The following TSHZ2 variants were observed in gnomAD, a reference collection of about 807,000 sequenced individuals.
TSHZ2 encodes teashirt zinc finger homeobox 2, also known as teashirt homolog 2.
In TSHZ2, 21 loss-of-function variants were observed where a neutral mutation model predicts 74.4. The observed-to-expected ratio is 0.28, with a 90% CI of 0.20 to 0.41. The LOEUF is 0.41. Among genes scored for constraint, TSHZ2 ranks in the 10% least tolerant of loss-of-function variants. The pLI is 1.00. For synonymous variants in TSHZ2, 540 were observed against 515.3 expected (o/e 1.05, Z -0.65); for missense variants, 1,244 against 1,293.5 (o/e 0.96, Z 0.59).
intron 1 of TSHZ2, among the ~76,000 whole-genome samples, chr20:53,244,310 A>C (rs373517457): frequency 7.2e-5 from 11 of 152,322 alleles, no homozygotes; most frequent in Admixed American, 6.5e-5. Flanking sequence ...AGCATGCATG[A>C]CTTGCTGAAA....
chr20:53,263,488 T>C (rs963321171), intron 2 of TSHZ2, among the ~76,000 whole-genome samples: 2 of 152,168 alleles, frequency 1.3e-5, no homozygotes, highest in Non-Finnish European at 2.9e-5. Flanking sequence ...ACAGCACCAG[T>C]GGTTTCCAAA....
At chr20:53,216,851 A>G (rs1989446712) in intron 1 of TSHZ2, among the ~76,000 whole-genome samples, 2 of 152,036 alleles carry the variant, frequency 1.3e-5, no homozygotes, top group Non-Finnish European at 2.9e-5. Context: ...AAGTGAACAC[A>G]CCCTTCAAAT....
intron 2 of TSHZ2, among the ~76,000 whole-genome samples, chr20:53,285,279 G>A (rs1029293544): frequency 3.9e-5 from 6 of 152,194 alleles, no homozygotes; most frequent in African/African-American, 1.4e-4. Context: ...GCAGTGTTTG[G>A]ATAGGAGTCT....
chr20:53,167,597 A>G (rs1290476582), intron 1 of TSHZ2, among the ~76,000 whole-genome samples: 4 of 151,504 alleles, frequency 2.6e-5, no homozygotes, highest in Non-Finnish European at 4.4e-5. Flanking sequence ...GTGTGTGTGT[A>G]TGTGTGTGTT....
intron 1 of TSHZ2, among the ~76,000 whole-genome samples, chr20:53,150,602 A>C (rs1353108042): frequency 6.6e-6 from 1 of 151,996 alleles, no homozygotes; most frequent in East Asian, 1.9e-4. Flanking sequence ...TCTAAGGTAA[A>C]ATCAACTACA....
chr20:53,246,280 T>G (rs1224391623), intron 1 of TSHZ2, among the ~76,000 whole-genome samples: 1 of 152,118 alleles, frequency 6.6e-6, no homozygotes, highest in Non-Finnish European at 1.5e-5. Context: ...TGACCTCATG[T>G]GATCTGCCCA....
At chr20:53,004,118 G>T (rs1379065729) in intron 1 of TSHZ2, among the ~76,000 whole-genome samples, 1 of 151,944 alleles carries the variant, frequency 6.6e-6, no homozygotes, top group South Asian at 2.1e-4. Flanking sequence ...ACTGTTGCCT[G>T]AGCATGGAAC....
intron 1 of TSHZ2, among the ~76,000 whole-genome samples, chr20:53,245,476 T>C (rs1353794993): frequency 6.6e-6 from 1 of 152,224 alleles, no homozygotes; most frequent in African/African-American, 2.4e-5. Flanking sequence ...CTCAAAGTTG[T>C]ATGATCTTTT....
intron 2 of TSHZ2, among the ~76,000 whole-genome samples, chr20:53,403,349 A>C (rs1041999928): frequency 1.3e-5 from 2 of 152,236 alleles, no homozygotes; most frequent in African/African-American, 4.8e-5. Flanking sequence ...AAATTAACCC[A>C]GATTACAACA....
chr20:53,409,743 C>T (rs1982979144), intron 2 of TSHZ2, among the ~76,000 whole-genome samples: 1 of 151,506 alleles, frequency 6.6e-6, no homozygotes, highest in Admixed American at 6.6e-5. Flanking sequence ...ACTTTGACAG[C>T]CCAGTGAATG....
intron 2 of TSHZ2, among the ~76,000 whole-genome samples, chr20:53,286,315 C>T (rs1001164075): frequency 1.3e-5 from 2 of 152,218 alleles, no homozygotes; most frequent in Admixed American, 6.5e-5. Context: ...CAAGACTTTA[C>T]AGTTAGAGAC....
At chr20:53,183,811 G>A (rs570940849) in intron 1 of TSHZ2, among the ~76,000 whole-genome samples, 4 of 152,326 alleles carry the variant, frequency 2.6e-5, no homozygotes, top group East Asian at 3.9e-4. Flanking sequence ...AGGCAGCATC[G>A]TTAGAGTAGC....
At chr20:53,378,358 AT>A (rs1981736976) in intron 2 of TSHZ2, among the ~76,000 whole-genome samples, 1 of 148,454 alleles carries the variant, frequency 6.7e-6, no homozygotes, top group Non-Finnish European at 1.5e-5. Flanking sequence ...AATAATAATA[AT>A]AATAATAATA....
chr20:53,082,644 C>T (rs1221012775), intron 1 of TSHZ2, among the ~76,000 whole-genome samples: 1 of 152,210 alleles, frequency 6.6e-6, no homozygotes, highest in African/African-American at 2.4e-5. Flanking sequence ...TGGTGATTCC[C>T]TCACCGATGC....
intron 1 of TSHZ2, among the ~76,000 whole-genome samples, chr20:53,186,092 G>C (rs1462902444): frequency 6.6e-6 from 1 of 152,136 alleles, no homozygotes; most frequent in Non-Finnish European, 1.5e-5. Context: ...CCTATCACAC[G>C]CTCTTATTAA....
intron 1 of TSHZ2, among the ~76,000 whole-genome samples, chr20:53,182,661 CTCTT>C (rs1218230096): frequency 1.3e-5 from 2 of 152,204 alleles, no homozygotes; most frequent in Non-Finnish European, 2.9e-5. Flanking sequence ...CTGAACTTCT[CTCTT>C]TCCCTTTGAT....
chr20:53,146,836 G>T (rs561866511), intron 1 of TSHZ2, among the ~76,000 whole-genome samples: 1 of 152,248 alleles, frequency 6.6e-6, no homozygotes, highest in East Asian at 1.9e-4. Context: ...GTAGAGGAGC[G>T]AGGCGGGCGT....
chr20:53,150,369 T>A lies in TSHZ2; in HGVS notation c.41-103130T>A, dbSNP rs560678795. Among the ~76,000 whole-genome samples the A allele has an allele frequency of 3.3e-5, 5 of 152,342 alleles. No individual in the cohort carries two copies. The South Asian group carries it at 1.0e-3, about 32-fold the overall frequency. ...ATTTAGTGATGATGCAAACCAGGGA[T>A]CTGCAAACTACAGCCAGTGAGTCAA... On this transcript the variant is annotated intron_variant, in intron 1 of 2. Transcript: ENST00000371497.
chr20:53,216,152 A>G (rs2123625887), intron 1 of TSHZ2, among the ~76,000 whole-genome samples: 1 of 152,326 alleles, frequency 6.6e-6, no homozygotes, highest in African/African-American at 2.4e-5. Flanking sequence ...GGGCCAGCTC[A>G]CTTTTTAATA....
Sources: gnomAD v4.1 joint callset for allele counts (sites outside exome capture counted in the v4.1 genomes callset) on GRCh38, gnomAD v4.1.1 for gene constraint, MANE v1.5 for transcripts, NCBI Gene and HGNC (gene_info 2026-07-23, HGNC 2026-07-21) for gene names.